Variants in CEP164 observed in about 807,000 individuals in gnomAD.
CEP164 encodes centrosomal protein 164.
CEP164 carries 162 observed loss-of-function variants against 182.7 expected under a neutral mutation model. The ratio of observed to expected loss-of-function variants is 0.89; its 90% CI spans 0.78 to 1.01. CEP164 has a LOEUF of 1.01. Ranked by LOEUF, CEP164 falls within the 50% of genes least tolerant of loss-of-function variation. The pLI is 0.00. For synonymous variants in CEP164, 661 were observed against 690.0 expected, an observed-to-expected ratio of 0.96 and a Z score of 0.66; for missense variants, 1,735 against 1,790.4, an observed-to-expected ratio of 0.97 and a Z score of 0.56.
intron 5 of CEP164, among the ~76,000 whole-genome samples, chr11:117,353,555 A>G (rs577640553): frequency 6.6e-6 from 1 of 152,302 alleles, no homozygotes; most frequent in African/African-American, 2.4e-5. Flanking sequence ...ACCGAGATGT[A>G]GATGTGTGAT....
chr11:117,358,839 C>T (rs1253522595), intron 5 of CEP164, among the ~76,000 whole-genome samples: 2 of 152,012 alleles, frequency 1.3e-5, no homozygotes, highest in African/African-American at 4.8e-5. Flanking sequence ...ATGTCCTAGG[C>T]TCTTCTTTCT....
At chr11:117,402,226 T>TTTTC (rs1167875860) in intron 27 of CEP164, among the ~76,000 whole-genome samples, 1 of 137,300 alleles carries the variant, frequency 7.3e-6, no homozygotes, top group African/African-American at 2.8e-5. Flanking sequence ...TTTTCTTGTC[T>TTTTC]TTTTTTTTTT....
intron 25 of CEP164, 108 bp from the exon 26 acceptor site, chr11:117,396,442 A>G (rs1022137120): frequency 6.7e-5 from 63 of 936,992 alleles, no homozygotes; most frequent in Non-Finnish European, 1.0e-4. Flanking sequence ...CCTGGCAGCT[A>G]GAGAGCCATT....
At chr11:117,335,316 TTCC>T (rs2036912936) in intron 1 of CEP164, among the ~76,000 whole-genome samples, 1 of 152,138 alleles carries the variant, frequency 6.6e-6, no homozygotes, top group Admixed American at 6.6e-5. Context: ...TGGTGTTTTC[TTCC>T]TGCTTGGAGG....
chr11:117,356,027 A>AGC, intron 5 of CEP164: 1 of 1,139,304 alleles, frequency 8.8e-7, no homozygotes, highest in Non-Finnish European at 1.1e-6. Context: ...CAGCAACAGC[A>AGC]ACCTGGCCTC....
rs1168207231 is a variant in CEP164 at position 117,394,542 on chromosome 11, G to A, written c.2760+49G>A. 6.2e-7 allele frequency: 1 copy of A among 1,601,498 alleles called. No individual in the cohort carries two copies. Among genetic ancestry groups the A allele is most frequent in the East Asian group, 2.2e-5 (1 of 44,622 alleles). On this transcript the variant is annotated intron_variant, in intron 21 of 32. Coordinates refer to ENST00000278935, the MANE Select transcript of CEP164 (RefSeq NM_014956.5). The surrounding 1 kb of genome is among the most constrained non-coding windows in gnomAD (Gnocchi z 4.0). The stretch of plus-strand genomic sequence containing the variant: ...GCCCACTGTGACCCCTCCATGCACA[G>A]TAGGAAGGTGCTGGGAGCAGACGCA...
chr11:117,392,142 G>T, intron 17 of CEP164, 84 bp from the exon 18 acceptor site: 1 of 1,243,200 alleles, frequency 8.0e-7, no homozygotes. Context: ...CGAGGGCTTG[G>T]GGGTCGGTAG....
At chr11:117,382,699 T>G (rs2043474916) in intron 13 of CEP164, 97 bp from the exon 14 acceptor site, 9 of 1,425,434 alleles carry the variant, frequency 6.3e-6, no homozygotes, top group Non-Finnish European at 8.6e-6. Context: ...CTGTCTCTCT[T>G]GTCTCTGTCA....
chr11:117,375,916 C>T, intron 11 of CEP164, 125 bp downstream of exon 11: 1 of 768,294 alleles, frequency 1.3e-6, no homozygotes, highest in South Asian at 1.6e-5. Flanking sequence ...CCTTCTAATT[C>T]ATTAAGGCAT....
At chr11:117,400,961 A>G (rs1479184309) in intron 27 of CEP164, among the ~76,000 whole-genome samples, 2 of 152,148 alleles carry the variant, frequency 1.3e-5, no homozygotes, top group East Asian at 1.9e-4. Flanking sequence ...CTCTCTTCCT[A>G]TTTGAATACC....
Position 117,410,856 on chromosome 11 carries a change from C to T in CEP164, c.4125C>T (p.Pro1375=). 3.1e-6 allele frequency: 5 copies of T among 1,613,292 alleles called. No homozygotes were observed. The highest frequency in any genetic ancestry group is 4.2e-6 in the Non-Finnish European group (5 of 1,179,668). ...GCATCCCGCTGCTCAGCAACAGCCC[C>T]ACCCCGCTGGAGAGCAGGCTGGGTT... ...PSGIPLLSNS[P]TPLESRLGYM... is the part of the protein sequence containing the mutation. The change falls in exon 31 of 33, where the codon CCC becomes CCT. Residue 1375 remains proline (P), a synonymous_variant. Transcript: ENST00000278935.
upstream of CEP164, among the ~76,000 whole-genome samples, chr11:117,324,440 CAA>C (rs376068330): frequency 1.6e-4 from 20 of 125,182 alleles, no homozygotes; most frequent in Middle Eastern, 4.1e-3. Flanking sequence ...AACTCCCTCT[CAA>C]AAAAAAAAAA....
At position 117,412,525 on chromosome 11, in the gene CEP164, C is replaced by G. The variant is rs1453698588; in HGVS notation, c.*357C>G. On this transcript the variant is annotated 3_prime_UTR_variant, in exon 33 of 33. Transcript: ENST00000278935. Reference sequence around the variant, plus strand: ...CCTTTGGAGCTGGTTGTTTCCTTGGCCCTGCAGCGCACTGCTCGGGGCTCC... The same window carrying G: ...CCTTTGGAGCTGGTTGTTTCCTTGGGCCTGCAGCGCACTGCTCGGGGCTCC... 1 of 232,240 alleles carries G rather than the reference C, an allele frequency of 4.3e-6. No individual in the cohort carries two copies. The highest frequency in any genetic ancestry group is 8.6e-6 in the Non-Finnish European group (1 of 116,276). 14.4% of individuals were successfully genotyped at this position (232,240 alleles called of 1,614,324 possible).
Position 117,362,419 on chromosome 11 carries a change from A to T in CEP164, c.568A>T (p.Lys190Ter). The T allele has an allele frequency of 6.2e-7, 1 of 1,612,986 alleles. No homozygotes were observed. Among genetic ancestry groups the T allele is most frequent in the East Asian group, 2.2e-5 (1 of 44,858 alleles). The part of the protein sequence containing the change: ...GELMLPSQGL[K>*]TSAYTKGLLG... ...TATTTTGAAGCCTTCACAGGGTCTC[A>T]AGACCTCTGCTTATACAAAGGGTCT... Residue 190 changes from lysine (K) to a stop codon, truncating the protein, a stop_gained, in exon 7 of 33, where the codon AAG (lysine) becomes TAG (stop). Transcript: ENST00000278935. LOFTEE classifies it high-confidence loss of function.
At chr11:117,379,756 C>G (rs1312961918) in intron 11 of CEP164, among the ~76,000 whole-genome samples, 3 of 151,812 alleles carry the variant, frequency 2.0e-5, no homozygotes, top group Non-Finnish European at 4.4e-5. Flanking sequence ...GACTACACTA[C>G]TGTACCTCTG....
Position 117,359,959 on chromosome 11 carries a change from C to T in CEP164, c.394-1876C>T, listed in dbSNP as rs566469882. ...GCGGGAGGTCTCACGAATTCTGACT[C>T]GTAGCCTGATTTCTTTCCCCAGCCC... is the stretch of plus-strand genomic sequence containing the variant. On this transcript the variant is annotated intron_variant, in intron 5 of 32. Transcript: ENST00000278935. 7.2e-5 allele frequency among the ~76,000 whole-genome samples: 11 copies of T among 152,264 alleles called. No individual in the cohort carries two copies. In the South Asian group the frequency reaches 8.3e-4, roughly 11 times the overall value.
intron 13 of CEP164, 65 bp from the exon 14 acceptor site, chr11:117,382,731 C>A: frequency 6.4e-7 from 1 of 1,558,086 alleles, no homozygotes; most frequent in South Asian, 1.2e-5. Flanking sequence ...CCCCAAATGG[C>A]GTACATCTTA....
intron 8 of CEP164, among the ~76,000 whole-genome samples, chr11:117,365,786 G>A (rs78639396): frequency 6.6e-6 from 1 of 151,986 alleles, no homozygotes; most frequent in African/African-American, 2.4e-5. Context: ...CACCATGTTG[G>A]CCAGGCTGGT....
At chr11:117,389,891 C>T (rs2044399153) in intron 15 of CEP164, among the ~76,000 whole-genome samples, 1 of 149,688 alleles carries the variant, frequency 6.7e-6, no homozygotes, top group African/African-American at 2.5e-5. Flanking sequence ...AGAGGGGAGC[C>T]TTTGGAAGAA....
Sources: allele counts gnomAD v4.1 joint callset (sites outside exome capture counted in the v4.1 genomes callset), GRCh38; gene constraint gnomAD v4.1.1; non-coding constraint Gnocchi (gnomAD v3.1); transcripts MANE v1.5; gene names NCBI Gene and HGNC (gene_info 2026-07-23, HGNC 2026-07-21).